Variants in NANOS3 observed in about 807,000 individuals in gnomAD.
NANOS3 encodes the protein nanos C2HC-type zinc finger 3.
Under a neutral mutation model 13.8 loss-of-function variants are expected in NANOS3, and 11 were observed. The observed-to-expected ratio is 0.80, with a 90% CI of 0.50 to 1.32. The LOEUF (loss-of-function observed/expected upper bound fraction) is 1.32. Among genes scored for constraint, NANOS3 ranks in the 40% most tolerant of loss-of-function variants. The probability of loss-of-function intolerance (pLI) is 0.00; values close to 1 mark genes in which losing one functional copy is unlikely to be tolerated. For synonymous variants in NANOS3, 119 were observed against 115.4 expected, an observed-to-expected ratio of 1.03 and a Z score of -0.20; for missense variants, 221 against 263.8, an observed-to-expected ratio of 0.84 and a Z score of 1.12.
intron 1 of NANOS3, among the ~76,000 whole-genome samples, chr19:13,866,243 C>T (rs993440622): frequency 1.3e-5 from 2 of 152,130 alleles, no homozygotes; most frequent in Non-Finnish European, 2.9e-5. Context: ...CCTTTCACGG[C>T]GACCTGCCCT....
intron 1 of NANOS3, among the ~76,000 whole-genome samples, chr19:13,870,560 CTTTTTTTTTTT>C (rs34524831): frequency 1.4e-5 from 1 of 71,624 alleles, no homozygotes; most frequent in East Asian, 4.8e-4. Flanking sequence ...GATAGCGTGG[CTTTTTTTTTTT>C]TTTTTTTTTT....
upstream of NANOS3, among the ~76,000 whole-genome samples, chr19:13,864,649 CTG>C (rs1976204450): frequency 6.6e-6 from 1 of 152,010 alleles, no homozygotes; most frequent in Non-Finnish European, 1.5e-5. Flanking sequence ...TATCTCAGGT[CTG>C]TGGATACCCC....
chr19:13,880,307 G>A (rs898776308), intron 1 of NANOS3, 135 bp from the exon 2 acceptor site: 7 of 736,196 alleles, frequency 9.5e-6, no homozygotes, highest in Admixed American at 4.9e-5. Context: ...GAGACGTCAC[G>A]GGGTCGCTGT....
intron 1 of NANOS3, among the ~76,000 whole-genome samples, chr19:13,878,538 G>A (rs985093656): frequency 6.6e-6 from 1 of 151,766 alleles, no homozygotes; most frequent in Non-Finnish European, 1.5e-5. Flanking sequence ...CATCTGGCCC[G>A]CAGGGTTATT....
At chr19:13,862,754 G>C (rs924826106), upstream of NANOS3, among the ~76,000 whole-genome samples, 2 of 152,014 alleles carry the variant, frequency 1.3e-5, no homozygotes, top group East Asian at 1.9e-4. Context: ...GGTCAGGCTG[G>C]TCTCGAACTC....
chr19:13,873,959 G>A (rs1296125844), upstream of NANOS3, among the ~76,000 whole-genome samples: 1 of 152,126 alleles, frequency 6.6e-6, no homozygotes, highest in African/African-American at 2.4e-5. Context: ...AAGGGACTGG[G>A]GGTCATTTGA....
At chr19:13,870,273 G>T (rs992241872) in intron 1 of NANOS3, among the ~76,000 whole-genome samples, 1 of 152,046 alleles carries the variant, frequency 6.6e-6, no homozygotes, top group African/African-American at 2.4e-5. Flanking sequence ...TTGAGCCAGG[G>T]TTTCACCATG....
chr19:13,863,679 A>T (rs1377384734), upstream of NANOS3, among the ~76,000 whole-genome samples: 1 of 151,266 alleles, frequency 6.6e-6, no homozygotes. Context: ...CTCCATCCCC[A>T]CTCTGGGAGA....
chr19:13,876,425 G>A (rs1276011839), upstream of NANOS3, among the ~76,000 whole-genome samples: 1 of 152,164 alleles, frequency 6.6e-6, no homozygotes, highest in Non-Finnish European at 1.5e-5. Context: ...CTCCCAAACT[G>A]TTGGGATGAC....
intron 1 of NANOS3, among the ~76,000 whole-genome samples, chr19:13,869,512 C>T (rs939855520): frequency 1.5e-4 from 23 of 152,146 alleles, no homozygotes; most frequent in African/African-American, 4.8e-4. Context: ...GAAAGACTCC[C>T]GCAGCTGGAA....
chr19:13,872,441 C>T (rs181467338), upstream of NANOS3, among the ~76,000 whole-genome samples: 220 of 152,246 alleles, frequency 1.4e-3, no homozygotes, highest in Non-Finnish European at 2.1e-3. Flanking sequence ...CCTCCTGCCT[C>T]CCAACTAGCT....
intron 1 of NANOS3, among the ~76,000 whole-genome samples, chr19:13,869,809 C>T (rs532255627): frequency 7.9e-5 from 12 of 151,920 alleles, no homozygotes; most frequent in African/African-American, 2.9e-4. Flanking sequence ...CATACAGTTA[C>T]ATACAACACA....
rs150317129 is a variant in NANOS3 at position 13,878,395 on chromosome 19, T to C, written c.517+630T>C. 5.1e-3 allele frequency among the ~76,000 whole-genome samples: 775 copies of C among 150,736 alleles called. 13 individuals carry two copies. Among genetic ancestry groups the C allele is most frequent in the African/African-American group, 0.018 (742 of 40,960 alleles). On this transcript the variant is annotated intron_variant, in intron 1 of 1. Coordinates refer to ENST00000339133, the MANE Select transcript of NANOS3 (RefSeq NM_001098622.3). ...CTGAGATTACAGGCGCCTGCCACCA[T>C]GGCCAGCTAATTTTTGTATTTTTAG...
intron 1 of NANOS3, among the ~76,000 whole-genome samples, chr19:13,871,826 C>CT (rs945010205): frequency 6.6e-6 from 1 of 150,854 alleles, no homozygotes; most frequent in Non-Finnish European, 1.5e-5. Context: ...CTCTACAAAA[C>CT]TTTTTTTTAT....
chr19:13,878,686 C>T (rs1968569586), intron 1 of NANOS3, among the ~76,000 whole-genome samples: 2 of 150,052 alleles, frequency 1.3e-5, no homozygotes, highest in Admixed American at 1.3e-4. Flanking sequence ...GCGATCTTGG[C>T]TCACTGCAAC....
At chr19:13,865,473 CG>C (rs1454067166) in intron 1 of NANOS3, 3 of 141,044 alleles carry the variant, frequency 2.1e-5, no homozygotes, top group Non-Finnish European at 4.7e-5. Flanking sequence ...GGGGCACGGG[CG>C]GGGCGGGGGC....
In NANOS3 at chr19:13,869,174, A is replaced by T. The variant is rs556861086; in HGVS notation, n.21+3737A>T. On this transcript the variant is annotated intron_variant and non_coding_transcript_variant, in intron 1 of 2. Transcript: ENST00000591161. The stretch of plus-strand genomic sequence containing the variant: ...AGTGTCTGAATTTCCCTTATTAAAA[A>T]ATTTTTTTAATTTGTTTTTTGTAGA... Among the ~76,000 whole-genome samples the T allele has an allele frequency of 2.5e-3, 375 of 152,148 alleles. 1 individual carries two copies. Among genetic ancestry groups the T allele is most frequent in the Middle Eastern group, 0.01 (3 of 294 alleles).
intron 1 of NANOS3, among the ~76,000 whole-genome samples, chr19:13,869,937 C>T (rs947521649): frequency 6.6e-6 from 1 of 152,122 alleles, no homozygotes; most frequent in Non-Finnish European, 1.5e-5. Flanking sequence ...CACCTCCCAC[C>T]CTGAGGGACT....
chr19:13,877,739 A>G lies in NANOS3; in HGVS notation c.491A>G (p.His164Arg), dbSNP rs1599305469. 1.3e-6 allele frequency: 2 copies of G among 1,582,044 alleles called. No individual in the cohort carries two copies. Among genetic ancestry groups the G allele is most frequent in the East Asian group, 2.3e-5 (1 of 43,382 alleles). The change falls in exon 1 of 2, where the codon CAC becomes CGC. Residue 164 changes from histidine (H) to arginine (R), a missense_variant. His to Arg is a conservative substitution (Grantham distance 29). This residue lies in a region of NANOS3 where 60 missense variants were observed against 56.5 expected (regional missense o/e 1.06). Transcript: ENST00000339133. ...AAGGCGAAGACACAGGACACAGGCC[A>G]CCGCCGAGGAGGAGGAGGAGGAGCA... ...PDKAKTQDTG[H>R]RRGGGGGAGF...
Sources: gnomAD v4.1 joint callset for allele counts (sites outside exome capture counted in the v4.1 genomes callset) on GRCh38, gnomAD v4.1.1 for gene constraint, gnomAD v4.1.1 regional missense constraint, MANE v1.5 for transcripts, NCBI Gene and HGNC (gene_info 2026-07-23, HGNC 2026-07-21) for gene names.